DNAAF2: variants seen among roughly 807,000 people sequenced by gnomAD.
DNAAF2 encodes the protein dynein axonemal assembly factor 2, also known as protein kintoun.
In DNAAF2, 58 loss-of-function variants were observed where a neutral mutation model predicts 48.8. The observed-to-expected ratio is 1.19, with a 90% CI of 0.96 to 1.48. The LOEUF (loss-of-function observed/expected upper bound fraction) is 1.48, where lower values mean the gene tolerates loss of function less well. DNAAF2 is among the 40% of genes most tolerant of loss of function. The probability of loss-of-function intolerance (pLI) is 0.00; values close to 1 mark genes in which losing one functional copy is unlikely to be tolerated. For synonymous variants in DNAAF2, 567 were observed against 481.2 expected (o/e 1.18, Z -2.33); for missense variants, 1,241 against 1,116.1 (o/e 1.11, Z -1.59).
At chr14:49,630,622 G>A (rs1438420734) in intron 1 of DNAAF2, among the ~76,000 whole-genome samples, 1 of 146,976 alleles carries the variant, frequency 6.8e-6, no homozygotes, top group Non-Finnish European at 1.5e-5. Context: ...TTGAATATGT[G>A]TTTCCCAGGT....
At chr14:49,630,738 T>TACACA (rs1187597727) in intron 1 of DNAAF2, among the ~76,000 whole-genome samples, 2 of 55,106 alleles carry the variant, frequency 3.6e-5, no homozygotes, top group Non-Finnish European at 1.1e-4. Context: ...ACACAAACTC[T>TACACA]CTACACACAC....
In DNAAF2 at chr14:49,634,675, C is replaced by T; in HGVS notation, c.475G>A (p.Gly159Ser). 3.1e-6 allele frequency: 5 copies of T among 1,606,498 alleles called. No homozygotes were observed. Among genetic ancestry groups the T allele is most frequent in the Non-Finnish European group, 4.2e-6 (5 of 1,179,694 alleles). ...GTGGCGTCCAGCATCTGGCGGAAGC[C>T]CTCGTGCCGCCGGGCCAGCGCAAGC... ...DALALARRHE[G>S]FRQMLDATAL... is the part of the protein sequence containing the mutation. The change falls in exon 1 of 3, where the codon GGC becomes AGC. Residue 159 changes from glycine to serine, a missense_variant. Gly to Ser is a moderately conservative substitution (Grantham distance 56, BLOSUM62 0). Transcript: ENST00000298292.
In DNAAF2 at chr14:49,625,377, C is replaced by A; in HGVS notation, c.*165G>T. 8 of 412,398 alleles carry A rather than the reference C, an allele frequency of 1.9e-5. No homozygotes were observed. Among genetic ancestry groups the A allele is most frequent in the Non-Finnish European group, 2.4e-5 (6 of 248,446 alleles). 25.5% of individuals were successfully genotyped at this position (412,398 alleles called of 1,614,324 possible). ...CCAGAGGCAAAAAAAAAAAAATTAT[C>A]TCCAATTTCCCCCATGAGAATCAAA... On this transcript the variant is annotated 3_prime_UTR_variant, in exon 3 of 3. Transcript: ENST00000298292.
chr14:49,632,309 G>C (rs1883182691), intron 1 of DNAAF2, among the ~76,000 whole-genome samples: 2 of 151,154 alleles, frequency 1.3e-5, no homozygotes, highest in South Asian at 4.1e-4. Flanking sequence ...ACTTTTGGAA[G>C]GTTTCCAATT....
Position 49,633,644 on chromosome 14 carries a change from G to T in DNAAF2, c.1506C>A (p.Gly502=). 1 of 1,612,692 alleles carries T rather than the reference G, an allele frequency of 6.2e-7. No individual in the cohort carries two copies. Residue 502 remains glycine (G), a synonymous_variant, in exon 1 of 3, where the codon GGC becomes GGA. Transcript: ENST00000298292. The part of the protein sequence containing the change: ...VETREESEGT[G]GQRSACAMGG... Reference sequence around the variant, plus strand: ...CCATGGCGCAGGCTGAGCGCTGGCCGCCCGTGCCCTCCGACTCCTCGCGTG... The same window carrying T: ...CCATGGCGCAGGCTGAGCGCTGGCCTCCCGTGCCCTCCGACTCCTCGCGTG...
chr14:49,633,387 C>G lies in DNAAF2; in HGVS notation c.1763G>C (p.Ser588Thr), dbSNP rs768402122. 29 of 1,613,918 alleles carry G rather than the reference C, an allele frequency of 1.8e-5. No homozygotes were observed. The highest frequency in any genetic ancestry group is 2.5e-5 in the Non-Finnish European group (29 of 1,179,906). ...TATCACTGCATTGTTTGAAGAAATG[C>G]TAATCACAGGTTCTGTGGTACTCAA... is the stretch of plus-strand genomic sequence containing the variant. ...NKLSTTEPVI[S>T]ISSNNAVIEL... Residue 588 changes from serine to threonine, a missense_variant, in exon 1 of 3, where the codon AGC becomes ACC. Physicochemically the swap from Ser to Thr is moderately conservative, Grantham distance 58. Transcript: ENST00000298292.
chr14:49,634,307 A>C lies in DNAAF2; in HGVS notation c.843T>G (p.His281Gln), dbSNP rs753291588. ...SRDSAPSPVP[H>Q]ELVITIELPL... ...GCAGTTCGATGGTGATCACCAGCTC[A>C]TGGGGCACGGGGCTCGGGGCTGAGT... The change falls in exon 1 of 3, where the codon CAT becomes CAG. Residue 281 changes from histidine to glutamine, a missense_variant. His to Gln is a conservative substitution (Grantham distance 24, BLOSUM62 0). Transcript: ENST00000298292. 3.1e-6 allele frequency: 5 copies of C among 1,611,856 alleles called. No homozygotes were observed. The highest frequency in any genetic ancestry group is 1.1e-5 in the South Asian group (1 of 91,078).
chr14:49,625,643 T>C lies in DNAAF2; in HGVS notation c.2413A>G (p.Lys805Glu), dbSNP rs1261922828. ...CTACCATCCTGCATATTGGTTTCTT[T>C]TATGCTGTCGAATCCAGGTATATTG... ...VHNIPGFDSI[K>E]ETNMQDGSVQ... The change falls in exon 3 of 3, where the codon AAA becomes GAA. Residue 805 changes from lysine to glutamate, a missense_variant. Coordinates refer to ENST00000298292, the MANE Select transcript of DNAAF2 (RefSeq NM_018139.3). 1 of 1,613,774 alleles carries C rather than the reference T, an allele frequency of 6.2e-7. No homozygotes were observed. The highest frequency in any genetic ancestry group is 1.1e-5 in the South Asian group (1 of 91,078).
rs781500067 is a variant in DNAAF2 at position 49,625,728 on chromosome 14, A to G, written c.2328T>C (p.Thr776=). The G allele has an allele frequency of 1.2e-6, 2 of 1,613,566 alleles. No individual in the cohort carries two copies. Among genetic ancestry groups the G allele is most frequent in the Middle Eastern group, 1.7e-4 (1 of 6,056 alleles). Residue 776 remains threonine (T), a synonymous_variant, in exon 3 of 3, where the codon ACT becomes ACC. Coordinates refer to ENST00000298292, the MANE Select transcript of DNAAF2 (RefSeq NM_018139.3). ...GATCTCCATCTGTTTCTTTCTCTTCAGTTATTACTGACTCGTTTAAGTTAT... is the reference window on the plus strand; with the variant it reads ...GATCTCCATCTGTTTCTTTCTCTTCGGTTATTACTGACTCGTTTAAGTTAT... The part of the protein sequence containing the change: ...EKDNLNESVI[T]EEKETDGDHL...
Position 49,634,340 on chromosome 14 carries a change from G to A in DNAAF2, c.810C>T (p.Cys270=). 6.2e-7 allele frequency: 1 copy of A among 1,611,172 alleles called. No homozygotes were observed. Among genetic ancestry groups the A allele is most frequent in the South Asian group, 1.1e-5 (1 of 91,036 alleles). The part of the protein sequence containing the change: ...RHHVDLQDYR[C]SRDSAPSPVP... The stretch of plus-strand genomic sequence containing the variant: ...CGGGGCTCGGGGCTGAGTCCCTGGA[G>A]CAGCGGTAATCCTGGAGGTCCACGT... The change falls in exon 1 of 3, where the codon TGC becomes TGT. Residue 270 remains cysteine, a synonymous_variant. Coordinates refer to ENST00000298292, the MANE Select transcript of DNAAF2 (RefSeq NM_018139.3).
Position 49,633,594 on chromosome 14 carries a change from T to C in DNAAF2, c.1556A>G (p.Glu519Gly), listed in dbSNP as rs777764137. 1.9e-6 allele frequency: 3 copies of C among 1,613,710 alleles called. No homozygotes were observed. The highest frequency in any genetic ancestry group is 1.3e-5 in the African/African-American group (1 of 74,902). ...AMGGPGTKSG[E>G]PLCPPLLCNQ... is the part of the protein sequence containing the mutation. ...ACACAGTAACGGAGGACACAAAGGC[T>C]CCCCGCTCTTGGTCCCGGGACCACC... Residue 519 changes from glutamate to glycine, a missense_variant, in exon 1 of 3, where the codon GAG becomes GGG. By Grantham distance (98) the Glu-to-Gly change is moderately conservative. Coordinates refer to ENST00000298292, the MANE Select transcript of DNAAF2 (RefSeq NM_018139.3).
chr14:49,625,970 C>T lies in DNAAF2; in HGVS notation c.2086G>A (p.Glu696Lys). The part of the protein sequence containing the change: ...VNEESHLTEK[E>K]YIEHCNTPTT... ...GGGGTGTTACAATGTTCTATATATTCCTTTTCAGTTAGATGACTTTCTTCA... is the reference window on the plus strand; with the variant it reads ...GGGGTGTTACAATGTTCTATATATTTCTTTTCAGTTAGATGACTTTCTTCA... The change falls in exon 3 of 3, where the codon GAA becomes AAA. Residue 696 changes from glutamate (E) to lysine (K), a missense_variant. Physicochemically the swap from Glu to Lys is moderately conservative, Grantham distance 56. Coordinates refer to ENST00000298292, the MANE Select transcript of DNAAF2 (RefSeq NM_018139.3). 1 of 1,603,982 alleles carries T rather than the reference C, an allele frequency of 6.2e-7. No homozygotes were observed. Among genetic ancestry groups the T allele is most frequent in the East Asian group, 2.2e-5 (1 of 44,704 alleles).
rs957674665 is a variant in DNAAF2 at position 49,633,979 on chromosome 14, C to G, written c.1171G>C (p.Ala391Pro). 2.6e-6 allele frequency: 4 copies of G among 1,525,180 alleles called. No homozygotes were observed. Among genetic ancestry groups the G allele is most frequent in the South Asian group, 1.2e-5 (1 of 82,638 alleles). The allele number at this position is 1,525,180 out of a possible 1,614,324, so 94.5% of individuals were successfully genotyped here. The change falls in exon 1 of 3, where the codon GCG (alanine) becomes CCG (proline). Residue 391 changes from alanine (A) to proline (P), a missense_variant. Transcript: ENST00000298292. ...ASAREGEAGP[A>P]RSRAEDGGHD... Reference sequence around the variant, plus strand: ...CCTCCGTCCTCCGCGCGACTCCTCGCGGGTCCCGCCTCCCCCTCGCGAGCG... The same window carrying G: ...CCTCCGTCCTCCGCGCGACTCCTCGGGGGTCCCGCCTCCCCCTCGCGAGCG...
chr14:49,634,467 T>C lies in DNAAF2; in HGVS notation c.683A>G (p.Tyr228Cys), dbSNP rs376557810. ...KGPLPDFPYP[Y>C]QYPAAPGPRA... ...GGGCCCGGGGGCTGCCGGGTACTGG[T>C]AAGGGTAGGGGAAGTCCGGGAGAGG... The change falls in exon 1 of 3, where the codon TAC becomes TGC. Residue 228 changes from tyrosine (Y) to cysteine (C), a missense_variant. Transcript: ENST00000298292. The C allele has an allele frequency of 7.0e-6, 11 of 1,571,136 alleles. No homozygotes were observed. The African/African-American group carries it at 1.2e-4, about 17-fold the overall frequency.
In DNAAF2 at chr14:49,633,607, TC is replaced by T; in HGVS notation, c.1542del (p.Thr515ProfsTer20). On this transcript the variant is annotated frameshift_variant, in exon 1 of 3. Coordinates refer to ENST00000298292, the MANE Select transcript of DNAAF2 (RefSeq NM_018139.3). LOFTEE classifies it high-confidence loss of function. ...GGACACAAAGGCTCCCCGCTCTTGG[TC>T]CCGGGACCACCCATGGCGCAGGCTG... The part of the protein sequence containing the change: ...QRSACAMGGP[G>X]TKSGEPLCPP... The T allele has an allele frequency of 6.2e-7, 1 of 1,613,790 alleles. No homozygotes were observed. The highest frequency in any genetic ancestry group is 8.5e-7 in the Non-Finnish European group (1 of 1,179,870).
In DNAAF2 at chr14:49,634,409, C is replaced by A. The variant is rs1462931477; in HGVS notation, c.741G>T (p.Gln247His). ...TGTAGCGAGGCTCGGTGGGGGCGGG[C>A]TGCAAGGCCGCTTCCGGAGGGGAGG... is the stretch of plus-strand genomic sequence containing the variant. ...RAPSPPEAAL[Q>H]PAPTEPRYSV... is the part of the protein sequence containing the mutation. Residue 247 changes from glutamine to histidine, a missense_variant, in exon 1 of 3, where the codon CAG (glutamine) becomes CAT (histidine). Coordinates refer to ENST00000298292, the MANE Select transcript of DNAAF2 (RefSeq NM_018139.3). The A allele has an allele frequency of 1.3e-6, 2 of 1,578,060 alleles. No individual in the cohort carries two copies. The highest frequency in any genetic ancestry group is 1.7e-6 in the Non-Finnish European group (2 of 1,162,782).
At position 49,634,010 on chromosome 14, in the gene DNAAF2, G is replaced by T; in HGVS notation, c.1140C>A (p.Cys380Ter). 6.6e-7 allele frequency: 1 copy of T among 1,522,812 alleles called. No homozygotes were observed. 94.3% of individuals were successfully genotyped at this position (1,522,812 alleles called of 1,614,324 possible). A position where few individuals can be genotyped will look rare whatever the true frequency, so the allele number is the denominator to read the frequency against. Reference protein sequence around the residue: ...ADRSGTDGQACASAREGEAGP... With the variant: ...ADRSGTDGQA The stretch of plus-strand genomic sequence containing the variant: ...CCGCCTCCCCCTCGCGAGCGGAAGC[G>T]CAGGCCTGGCCGTCAGTTCCGGACC... Residue 380 changes from cysteine to a stop codon, truncating the protein, a stop_gained, in exon 1 of 3, where the codon TGC (cysteine) becomes TGA (stop). Transcript: ENST00000298292. LOFTEE classifies it high-confidence loss of function.
At chr14:49,630,740 T>TACACACACACACACACACAC (rs58647073) in intron 1 of DNAAF2, among the ~76,000 whole-genome samples, 10 of 136,846 alleles carry the variant, frequency 7.3e-5, no homozygotes, top group Non-Finnish European at 1.2e-4. Context: ...ACAAACTCTC[T>TACACACACACACACACACAC]ACACACACAC....
In DNAAF2 at chr14:49,633,485, G is replaced by C; in HGVS notation, c.1665C>G (p.Leu555=). 6.2e-7 allele frequency: 1 copy of C among 1,614,044 alleles called. No homozygotes were observed. The highest frequency in any genetic ancestry group is 1.1e-5 in the South Asian group (1 of 91,084). ...GTGCGGAGAAGCGTAATTTGTACCA[G>C]AGGGGATTCAAATCTCCTTGAAGAC... ...PQSLQGDLNP[L]WYKLRFSAQD... is the part of the protein sequence containing the mutation. Residue 555 remains leucine (L), a synonymous_variant, in exon 1 of 3, where the codon CTC becomes CTG. Coordinates refer to ENST00000298292, the MANE Select transcript of DNAAF2 (RefSeq NM_018139.3).
Sources: allele counts gnomAD v4.1 joint callset (sites outside exome capture counted in the v4.1 genomes callset), GRCh38; gene constraint gnomAD v4.1.1; transcripts MANE v1.5; gene names NCBI Gene and HGNC (gene_info 2026-07-23, HGNC 2026-07-21).